SLC6A2: variants seen among roughly 807,000 people sequenced by gnomAD.
SLC6A2 encodes sodium-dependent noradrenaline transporter.
In SLC6A2, 26 loss-of-function variants were observed where a neutral mutation model predicts 71.7. The observed-to-expected ratio is 0.36, with a 90% CI of 0.27 to 0.50. SLC6A2 has a LOEUF of 0.50. Ranked by LOEUF, SLC6A2 falls within the 20% of genes least tolerant of loss-of-function variation. The pLI, the probability that SLC6A2 is intolerant of heterozygous loss-of-function variation, is 0.96. For synonymous variants in SLC6A2, 363 were observed against 337.9 expected (o/e 1.07, Z -0.82); for missense variants, 581 against 803.9 (o/e 0.72, Z 3.35).
chr16:55,666,266 G>T (rs1211005979), intron 2 of SLC6A2, among the ~76,000 whole-genome samples: 2 of 152,228 alleles, frequency 1.3e-5, no homozygotes, highest in African/African-American at 4.8e-5. Flanking sequence ...CACAAGTATG[G>T]CAGTTACAAG....
rs1965719504 is a variant in SLC6A2 at position 55,694,045 on chromosome 16, C to G, written c.954C>G (p.Ser318=). 2.5e-6 allele frequency: 4 copies of G among 1,613,596 alleles called. No individual in the cohort carries two copies. The highest frequency in any genetic ancestry group is 3.4e-6 in the Non-Finnish European group (4 of 1,179,724). ...ATGCCGCAACTCAGATATTTTTTTC[C>G]TTGGGGGCTGGATTTGGAGTATTGA... ...WIDAATQIFF[S]LGAGFGVLIA... Residue 318 remains serine (S), a synonymous_variant, in exon 7 of 15, where the codon TCC becomes TCG. Transcript: ENST00000568943.
intron 2 of SLC6A2, among the ~76,000 whole-genome samples, chr16:55,658,706 C>G (rs1457271184): frequency 6.6e-6 from 1 of 152,188 alleles, no homozygotes; most frequent in East Asian, 1.9e-4. Flanking sequence ...TACTCTGAGA[C>G]CAGATAGCTG....
intron 4 of SLC6A2, among the ~76,000 whole-genome samples, chr16:55,676,214 C>T (rs1965081629): frequency 6.6e-6 from 1 of 152,224 alleles, no homozygotes; most frequent in Non-Finnish European, 1.5e-5. Flanking sequence ...CCCAGAGGAT[C>T]TGAATCACTG....
At chr16:55,661,334 C>G (rs1964604018) in intron 2 of SLC6A2, among the ~76,000 whole-genome samples, 1 of 152,122 alleles carries the variant, frequency 6.6e-6, no homozygotes, top group African/African-American at 2.4e-5. Context: ...CTAACTTTTG[C>G]TAGAAAGGTA....
chr16:55,664,899 T>C (rs1555502343), intron 2 of SLC6A2, among the ~76,000 whole-genome samples: 1 of 152,122 alleles, frequency 6.6e-6, no homozygotes, highest in Non-Finnish European at 1.5e-5. Flanking sequence ...CCCATACGAA[T>C]ACCCCACCAC....
At position 55,694,361 on chromosome 16, in the gene SLC6A2, TGA is replaced by T. The variant is rs537760363; in HGVS notation, c.1022+253_1022+254del. Among the ~76,000 whole-genome samples the T allele has an allele frequency of 2.8e-3, 426 of 152,250 alleles. 5 individuals carry two copies. The highest frequency in any genetic ancestry group is 1.3e-3 in the Non-Finnish European group (89 of 68,016). On this transcript the variant is annotated intron_variant, in intron 7 of 14. Transcript: ENST00000568943. ...CTGGGAAAATTGAGGTTACCACCAC[TGA>T]GAGATGGGTAGTTATGACAGAGGAG...
At chr16:55,675,781 A>G (rs1387015314) in intron 4 of SLC6A2, among the ~76,000 whole-genome samples, 3 of 87,688 alleles carry the variant, frequency 3.4e-5, no homozygotes, top group Non-Finnish European at 5.4e-5. Flanking sequence ...AAAGTGTGGA[A>G]AAAAAAAACA....
At position 55,702,505 on chromosome 16, in the gene SLC6A2, GT is replaced by G; in HGVS notation, c.*164del. ...ATTTACAAATGATTTCGTGACTGTA[GT>G]TTTTGTTCACCTTCTGTGCATCTGG... On this transcript the variant is annotated 3_prime_UTR_variant, in exon 15 of 15. Transcript: ENST00000568943. 4 of 1,533,310 alleles carry G rather than the reference GT, an allele frequency of 2.6e-6. No homozygotes were observed. The highest frequency in any genetic ancestry group is 3.5e-6 in the Non-Finnish European group (4 of 1,137,092). 95.0% of individuals were successfully genotyped at this position (1,533,310 alleles called of 1,614,324 possible).
At chr16:55,671,309 G>C (rs756588525) in intron 3 of SLC6A2, among the ~76,000 whole-genome samples, 3 of 152,120 alleles carry the variant, frequency 2.0e-5, no homozygotes, top group Non-Finnish European at 4.4e-5. Flanking sequence ...GAGGGAGCTG[G>C]ATACTCACGA....
At chr16:55,699,017 G>GCAAA (rs1264214383) in intron 11 of SLC6A2, among the ~76,000 whole-genome samples, 3 of 151,838 alleles carry the variant, frequency 2.0e-5, no homozygotes, top group Non-Finnish European at 4.4e-5. Context: ...ATTTTTTCTG[G>GCAAA]CAAACTTATT....
chr16:55,682,600 C>T (rs1184348312), intron 4 of SLC6A2, among the ~76,000 whole-genome samples: 1 of 152,200 alleles, frequency 6.6e-6, no homozygotes, highest in African/African-American at 2.4e-5. Context: ...TAATTCACCT[C>T]CTCATCCTGG....
At position 55,698,538 on chromosome 16, in the gene SLC6A2, A is replaced by G. The variant is rs768583766; in HGVS notation, c.1459A>G (p.Met487Val). 7 of 1,613,846 alleles carry G rather than the reference A, an allele frequency of 4.3e-6. No individual in the cohort carries two copies. In the Admixed American group the frequency reaches 8.3e-5, roughly 19 times the overall value. ...AGTSILFAVL[M>V]EAIGVSWFYG... ...CACCTCCATCCTTTTTGCTGTCCTCATGGAAGCCATCGGAGTTTCCTGGTT... is the reference window on the plus strand; with the variant it reads ...CACCTCCATCCTTTTTGCTGTCCTCGTGGAAGCCATCGGAGTTTCCTGGTT... Residue 487 changes from methionine to valine, a missense_variant, in exon 11 of 15, where the codon ATG (methionine) becomes GTG (valine). Around this residue, in one of 5 missense-constraint regions of SLC6A2, gnomAD observed 334 missense variants for 449.0 expected, o/e 0.74. Transcript: ENST00000568943.
At chr16:55,676,651 T>C (rs547815055) in intron 4 of SLC6A2, among the ~76,000 whole-genome samples, 10 of 152,382 alleles carry the variant, frequency 6.6e-5, no homozygotes, top group African/African-American at 2.4e-4. Flanking sequence ...TTTGTTATTA[T>C]GCAGAAATAT....
intron 2 of SLC6A2, among the ~76,000 whole-genome samples, chr16:55,659,987 AT>A (rs35181519): frequency 0.37 from 56,804 of 151,964 alleles, 11,055 homozygotes; most frequent in South Asian, 0.46. Context: ...GTGGCTGCTG[AT>A]TTTTGTTAAT....
intron 4 of SLC6A2, among the ~76,000 whole-genome samples, chr16:55,681,674 T>C (rs1965275583): frequency 6.6e-6 from 1 of 152,244 alleles, no homozygotes; most frequent in Non-Finnish European, 1.5e-5. Flanking sequence ...GTAAGCTAAG[T>C]AAGTTTCCAG....
At chr16:55,678,218 TAGG>T (rs1361177843) in intron 4 of SLC6A2, among the ~76,000 whole-genome samples, 3 of 151,972 alleles carry the variant, frequency 2.0e-5, no homozygotes. Context: ...TGCAAGTAGA[TAGG>T]AGTTCTTCTC....
chr16:55,678,677 G>A (rs1298327413), intron 4 of SLC6A2, among the ~76,000 whole-genome samples: 1 of 152,214 alleles, frequency 6.6e-6, no homozygotes, highest in East Asian at 1.9e-4. Context: ...GGTCCCTGGT[G>A]AGGAAGAAAA....
rs757297170 is a variant in SLC6A2 at position 55,656,844 on chromosome 16, C to T, written c.150C>T (p.Asp50=). The change falls in exon 2 of 15, where the codon GAC becomes GAT. Residue 50 remains aspartate, a synonymous_variant. Coordinates refer to ENST00000568943, the MANE Select transcript of SLC6A2 (RefSeq NM_001172501.3). This position sits in a 1 kb window ranked among gnomAD's most constrained non-coding sequence, Gnocchi z 4.5. ...TCCAGTGCCTGCTGGCGCCCCGCGA[C>T]GGCGACGCGCAGCCCCGGGAGACCT... ...NGVQCLLAPR[D]GDAQPRETWG... The T allele has an allele frequency of 1.9e-6, 3 of 1,613,678 alleles. No homozygotes were observed. The highest frequency in any genetic ancestry group is 3.3e-4 in the Middle Eastern group (2 of 6,030).
At chr16:55,699,708 A>G in intron 12 of SLC6A2, 54 bp downstream of exon 12, 1 of 1,312,766 alleles carries the variant, frequency 7.6e-7, no homozygotes, top group South Asian at 1.2e-5. Flanking sequence ...TGTGTCCAGG[A>G]TGGAGCTGGG....
Sources: allele counts gnomAD v4.1 joint callset (sites outside exome capture counted in the v4.1 genomes callset), GRCh38; gene constraint gnomAD v4.1.1; regional missense constraint gnomAD v4.1.1; non-coding constraint Gnocchi (gnomAD v3.1); transcripts MANE v1.5; gene names NCBI Gene and HGNC (gene_info 2026-07-23, HGNC 2026-07-21).